The following EHF variants were observed in gnomAD, a reference collection of about 807,000 sequenced individuals.
The protein encoded by EHF is ETS homologous factor.
Under a neutral mutation model 45.1 loss-of-function variants are expected in EHF, and 14 were observed. That is an observed-to-expected ratio of 0.31 (90% CI 0.21 to 0.49). The LOEUF (loss-of-function observed/expected upper bound fraction) is 0.49, where lower values mean the gene tolerates loss of function less well. Among genes scored for constraint, EHF ranks in the 20% least tolerant of loss-of-function variants. The pLI, the probability that EHF is intolerant of heterozygous loss-of-function variation, is 0.99. For missense variants in EHF, 282 were observed against 371.4 expected (o/e 0.76, Z 1.98); for synonymous variants, 136 against 131.8 (o/e 1.03, Z -0.22).
At chr11:34,646,041 T>C (rs1420737109) in intron 2 of EHF, among the ~76,000 whole-genome samples, 3 of 150,810 alleles carry the variant, frequency 2.0e-5, no homozygotes, top group Non-Finnish European at 2.9e-5. Flanking sequence ...TGTGTGTGTG[T>C]GTGTGTGTGT....
chr11:34,656,202 G>A (rs890931976), intron 6 of EHF, among the ~76,000 whole-genome samples: 1 of 152,072 alleles, frequency 6.6e-6, no homozygotes, highest in East Asian at 1.9e-4. Flanking sequence ...CGCAGAGGTT[G>A]CCATAATGAG....
At chr11:34,639,514 G>A (rs1405675665) in intron 1 of EHF, among the ~76,000 whole-genome samples, 2 of 152,150 alleles carry the variant, frequency 1.3e-5, no homozygotes, top group Admixed American at 6.5e-5. Context: ...TTCACTCTAC[G>A]CCTGAAAAAC....
In EHF at chr11:34,662,979, A is replaced by C. The variant is rs924972435; in HGVS notation, c.*4048A>C. ...CATTTATTAAAAAAAACTCCTGTTG[A>C]GACTGTGTCTTATGAACCTCTGAAA... is the stretch of plus-strand genomic sequence containing the variant. On this transcript the variant is annotated 3_prime_UTR_variant, in exon 9 of 9. Transcript: ENST00000257831. 1.3e-5 allele frequency among the ~76,000 whole-genome samples: 2 copies of C among 152,142 alleles called. No individual in the cohort carries two copies.
At chr11:34,633,523 T>C (rs1311887766) in intron 1 of EHF, among the ~76,000 whole-genome samples, 2 of 152,286 alleles carry the variant, frequency 1.3e-5, no homozygotes, top group East Asian at 3.9e-4. Flanking sequence ...GGGGTTTCAG[T>C]AGCCAAACAT....
At chr11:34,622,239 C>G (rs1018487387) in intron 1 of EHF, 5 of 264,162 alleles carry the variant, frequency 1.9e-5, no homozygotes, top group Admixed American at 4.7e-5. Context: ...TACCATGCTC[C>G]CAGGATGGTG....
chr11:34,651,306 C>T (rs1307798011), intron 4 of EHF, among the ~76,000 whole-genome samples: 1 of 152,102 alleles, frequency 6.6e-6, no homozygotes, highest in Admixed American at 6.6e-5. Flanking sequence ...TCTCACTTCC[C>T]TAAAAATGCA....
chr11:34,625,463 C>G (rs1198608294), intron 1 of EHF, among the ~76,000 whole-genome samples: 1 of 152,182 alleles, frequency 6.6e-6, no homozygotes, highest in Non-Finnish European at 1.5e-5. Context: ...GATGAGCTTG[C>G]TTGACTGATT....
At chr11:34,623,291 A>T (rs1023308856) in intron 1 of EHF, among the ~76,000 whole-genome samples, 5 of 151,998 alleles carry the variant, frequency 3.3e-5, no homozygotes, top group Admixed American at 3.3e-4. Flanking sequence ...TTACCATGTC[A>T]GCCAGGCTGG....
chr11:34,654,380 C>T (rs185805104), intron 6 of EHF, among the ~76,000 whole-genome samples: 221 of 152,320 alleles, frequency 1.5e-3, no homozygotes, highest in African/African-American at 4.9e-3. Context: ...AAGAAGGACA[C>T]ATATTAAAGA....
intron 7 of EHF, among the ~76,000 whole-genome samples, chr11:34,657,915 G>A (rs990521986): frequency 1.4e-5 from 2 of 146,410 alleles, no homozygotes; most frequent in African/African-American, 2.5e-5. Flanking sequence ...TGGGGGTGGG[G>A]CATCAAAAAT....
rs180725158 is a variant in EHF, at chr11:34,625,114, A to G, written c.-4+3886A>G. ...GGGAGAAGCCTTCTAAGGATGAGGC[A>G]GGAAAGATTAGCAAGAGCCCTTAAA... On this transcript the variant is annotated intron_variant, in intron 1 of 8. Transcript: ENST00000257831. Among the ~76,000 whole-genome samples, 7 of 152,312 alleles carry G rather than the reference A, an allele frequency of 4.6e-5. No homozygotes were observed. The East Asian group carries it at 1.3e-3, about 29-fold the overall frequency.
At chr11:34,655,598 T>G (rs961396997) in intron 6 of EHF, among the ~76,000 whole-genome samples, 7 of 152,320 alleles carry the variant, frequency 4.6e-5, no homozygotes, top group Admixed American at 1.3e-4. Context: ...GACCCCTCTG[T>G]TTCTCAGATC....
At position 34,651,854 on chromosome 11, in the gene EHF, A is replaced by G. The variant is rs775690219; in HGVS notation, c.544+49A>G. On this transcript the variant is annotated intron_variant, in intron 6 of 8. Transcript: ENST00000257831. ...CTGGGTATGCCTAATGCTTAGGGAG[A>G]ATCAGTGGGAATTACCAACACTCTA... 2.6e-6 allele frequency: 4 copies of G among 1,524,694 alleles called. No individual in the cohort carries two copies. In the Admixed American group the frequency reaches 5.4e-5, roughly 21 times the overall value. The allele number at this position is 1,524,694 out of a possible 1,614,324, so 94.4% of individuals were successfully genotyped here.
At chr11:34,639,805 G>T (rs1435636462) in intron 1 of EHF, among the ~76,000 whole-genome samples, 1 of 152,240 alleles carries the variant, frequency 6.6e-6, no homozygotes, top group Non-Finnish European at 1.5e-5. Flanking sequence ...TGCCAGCAGG[G>T]AGCAGGGCTA....
At chr11:34,624,017 T>C (rs181257834) in intron 1 of EHF, among the ~76,000 whole-genome samples, 6 of 152,160 alleles carry the variant, frequency 3.9e-5, no homozygotes, top group Admixed American at 1.3e-4. Flanking sequence ...AGGGGTGGGG[T>C]GGTGAGCAAG....
intron 1 of EHF, among the ~76,000 whole-genome samples, chr11:34,637,026 T>C: frequency 1.1e-5 from 1 of 91,124 alleles, no homozygotes. Flanking sequence ...CGAAACTTCA[T>C]CTCAAAAAAA....
intron 6 of EHF, among the ~76,000 whole-genome samples, chr11:34,653,276 A>G (rs778083685): frequency 6.6e-6 from 1 of 152,144 alleles, no homozygotes; most frequent in South Asian, 2.1e-4. Context: ...CTCAGGGGCT[A>G]GTAGGTCTTG....
chr11:34,634,676 C>G (rs1462567524), intron 1 of EHF, among the ~76,000 whole-genome samples: 1 of 152,058 alleles, frequency 6.6e-6, no homozygotes. Flanking sequence ...TTCCCAAATA[C>G]AAAATTAAAA....
At chr11:34,644,097 C>G (rs1319665569) in intron 2 of EHF, among the ~76,000 whole-genome samples, 2 of 152,142 alleles carry the variant, frequency 1.3e-5, no homozygotes, top group African/African-American at 4.8e-5. Context: ...CAGCTTCAGA[C>G]AAAAATCCCT....
Sources: gnomAD v4.1 joint callset for allele counts (sites outside exome capture counted in the v4.1 genomes callset) on GRCh38, gnomAD v4.1.1 for gene constraint, MANE v1.5 for transcripts, NCBI Gene and HGNC (gene_info 2026-07-23, HGNC 2026-07-21) for gene names.